The following LATS2 variants were observed in gnomAD, a reference collection of about 807,000 sequenced individuals.
LATS2 encodes the protein large tumor suppressor kinase 2.
Under a neutral mutation model 76.0 loss-of-function variants are expected in LATS2, and 24 were observed. The ratio of observed to expected loss-of-function variants is 0.32; its 90% CI spans 0.23 to 0.44. The LOEUF (loss-of-function observed/expected upper bound fraction) is 0.44. Ranked by LOEUF, LATS2 falls within the 20% of genes least tolerant of loss-of-function variation. The pLI, the probability that LATS2 is intolerant of heterozygous loss-of-function variation, is 1.00. For missense variants in LATS2, 1,286 were observed against 1,481.2 expected (o/e 0.87, Z 2.16); for synonymous variants, 692 against 635.4 (o/e 1.09, Z -1.34).
At chr13:21,006,647 CCAGA>C (rs933371818) in intron 2 of LATS2, among the ~76,000 whole-genome samples, 4 of 152,206 alleles carry the variant, frequency 2.6e-5, no homozygotes, top group African/African-American at 9.6e-5. Flanking sequence ...CTCTTCACTT[CCAGA>C]CAAAGGCTGC....
chr13:20,979,235 G>A (rs923944237), intron 7 of LATS2, among the ~76,000 whole-genome samples: 1 of 152,226 alleles, frequency 6.6e-6, no homozygotes, highest in Non-Finnish European at 1.5e-5. Flanking sequence ...CAGGCTATTA[G>A]TAAAGTTTTT....
chr13:20,999,987 G>T (rs577302405), intron 2 of LATS2, among the ~76,000 whole-genome samples: 3 of 151,560 alleles, frequency 2.0e-5, no homozygotes, highest in African/African-American at 2.4e-5. Flanking sequence ...TCAAGATCAC[G>T]CAGCAGAGCA....
In LATS2 at chr13:21,051,042, T is replaced by C. The variant is rs376683920; in HGVS notation, c.-204-4812A>G. Reference sequence around the variant, plus strand: ...TCTTAGTGCAAGTCACAGAGAAGGGTGATCATGTCTGCCCTCTAGAAGATG... The same window carrying C: ...TCTTAGTGCAAGTCACAGAGAAGGGCGATCATGTCTGCCCTCTAGAAGATG... On this transcript the variant is annotated intron_variant, in intron 1 of 7. Transcript: ENST00000382592. Among the ~76,000 whole-genome samples the C allele has an allele frequency of 9.1e-4, 139 of 152,272 alleles. 4 individuals carry two copies. In the South Asian group the frequency reaches 0.018, roughly 20 times the overall value.
rs1435209059 is a variant in LATS2, at chr13:20,993,700, G to A, written c.343-2296C>T. On this transcript the variant is annotated intron_variant, in intron 2 of 7. Coordinates refer to ENST00000382592, the MANE Select transcript of LATS2 (RefSeq NM_014572.3). The stretch of plus-strand genomic sequence containing the variant: ...GAAGAGTTGCAGAGAGAAGGCAGCG[G>A]TGGTTCAGAAGGGAAGTGCTTCCTG... 3.9e-5 allele frequency among the ~76,000 whole-genome samples: 6 copies of A among 152,172 alleles called. No individual in the cohort carries two copies. In the East Asian group the frequency reaches 5.8e-4, roughly 15 times the overall value.
chr13:20,988,182 A>G lies in LATS2; in HGVS notation c.1598T>C (p.Leu533Pro). ...CTCCATGCCTGCGCACAGGCTGTCC[A>G]GGTCGTACTGCTCCGACTTGCTGCG... is the stretch of plus-strand genomic sequence containing the variant. ...LLRSKSEQYD[L>P]DSLCAGMEQS... The change falls in exon 4 of 8, where the codon CTG becomes CCG. Residue 533 changes from leucine to proline, a missense_variant. Around this residue, in one of 5 missense-constraint regions of LATS2, gnomAD observed 710 missense variants for 660.9 expected, o/e 1.07. Coordinates refer to ENST00000382592, the MANE Select transcript of LATS2 (RefSeq NM_014572.3). The G allele has an allele frequency of 1.9e-6, 3 of 1,613,424 alleles. No homozygotes were observed. Among genetic ancestry groups the G allele is most frequent in the Non-Finnish European group, 2.5e-6 (3 of 1,179,892 alleles).
chr13:21,051,222 G>A (rs567910149), intron 1 of LATS2, among the ~76,000 whole-genome samples: 1 of 152,324 alleles, frequency 6.6e-6, no homozygotes, highest in East Asian at 1.9e-4. Context: ...GGGCCCTTGA[G>A]CAGTGCACAA....
At chr13:20,990,049 A>G (rs1388804021) in intron 3 of LATS2, among the ~76,000 whole-genome samples, 1 of 152,236 alleles carries the variant, frequency 6.6e-6, no homozygotes, top group Non-Finnish European at 1.5e-5. Flanking sequence ...AAGGGTGGAA[A>G]GGCTGGGCCT....
intron 2 of LATS2, among the ~76,000 whole-genome samples, chr13:20,998,329 GGAGACAGAGCAA>G (rs1456947813): frequency 3.0e-4 from 46 of 152,070 alleles, no homozygotes; most frequent in Middle Eastern, 3.4e-3. Flanking sequence ...CTCCAGCCTG[GGAGACAGAGCAA>G]GAGACCCTGT....
chr13:20,987,247 A>G (rs1040195322), intron 4 of LATS2, among the ~76,000 whole-genome samples: 20 of 152,192 alleles, frequency 1.3e-4, no homozygotes, highest in Admixed American at 1.1e-3. Flanking sequence ...AATGAAAAGT[A>G]TATCTGTAAA....
At chr13:21,000,378 CATAATAATAATA>C (rs746861687) in intron 2 of LATS2, among the ~76,000 whole-genome samples, 1 of 150,656 alleles carries the variant, frequency 6.6e-6, no homozygotes, top group Non-Finnish European at 1.5e-5. Context: ...AAGACTCTGT[CATAATAATAATA>C]ATAATAATAA....
At chr13:20,989,677 T>C (rs1368605005) in intron 3 of LATS2, among the ~76,000 whole-genome samples, 1 of 152,144 alleles carries the variant, frequency 6.6e-6, no homozygotes, top group Admixed American at 6.5e-5. Flanking sequence ...AACCCTATCA[T>C]GCCCAAATTG....
rs867198558 is a variant in LATS2 at position 20,981,584 on chromosome 13, C to T, written c.2547G>A (p.Arg849=). Reference sequence around the variant, plus strand: ...CTAGGGTCTTCAGCCTGTCCCCACACCGACAGTTAGACACATCATCCCAGA... The same window carrying T: ...CTAGGGTCTTCAGCCTGTCCCCACATCGACAGTTAGACACATCATCCCAGA... ...SDLWDDVSNC[R]CGDRLKTLEQ... Residue 849 remains arginine (R), a synonymous_variant, in exon 6 of 8, where the codon CGG becomes CGA. Transcript: ENST00000382592. The T allele has an allele frequency of 5.6e-6, 9 of 1,614,172 alleles. No individual in the cohort carries two copies. In the Middle Eastern group the frequency reaches 9.9e-4, roughly 178 times the overall value.
In LATS2 at chr13:20,974,803, T is replaced by G; in HGVS notation, c.*67A>C. 4 of 1,508,136 alleles carry G rather than the reference T, an allele frequency of 2.7e-6. No individual in the cohort carries two copies. The highest frequency in any genetic ancestry group is 3.6e-6 in the Non-Finnish European group (4 of 1,121,374). 93.4% of individuals were successfully genotyped at this position (1,508,136 alleles called of 1,614,324 possible). A position where few individuals can be genotyped will look rare whatever the true frequency, so the allele number is the denominator to read the frequency against. ...ACAGCCCTCGGCTTCCCTATTGGCC[T>G]GTGAGGGCACCGGCTCCGGGACCCT... On this transcript the variant is annotated 3_prime_UTR_variant, in exon 8 of 8. Coordinates refer to ENST00000382592, the MANE Select transcript of LATS2 (RefSeq NM_014572.3).
chr13:20,990,564 A>C (rs374601847), intron 3 of LATS2, among the ~76,000 whole-genome samples: 4 of 144,404 alleles, frequency 2.8e-5, no homozygotes, highest in African/African-American at 1.0e-4. Flanking sequence ...TCAGCCTCCC[A>C]AAGAGTTGGG....
In LATS2 at chr13:21,046,180, T is replaced by C. The variant is rs1894305373; in HGVS notation, c.-154A>G. The C allele has an allele frequency of 1.7e-6, 1 of 585,998 alleles. No individual in the cohort carries two copies. Among genetic ancestry groups the C allele is most frequent in the South Asian group, 2.9e-5 (1 of 33,916 alleles). The allele number at this position is 585,998 out of a possible 1,614,324, so 36.3% of individuals were successfully genotyped here. On this transcript the variant is annotated 5_prime_UTR_variant, in exon 2 of 8. The change creates a new upstream start codon in the 5' untranslated region. Coordinates refer to ENST00000382592, the MANE Select transcript of LATS2 (RefSeq NM_014572.3). Reference sequence around the variant, plus strand: ...TCTTTCCTTCCATTTTTGTAGTTCCTATAGAGAACCTAAAATTTTCCAAAG... The same window carrying C: ...TCTTTCCTTCCATTTTTGTAGTTCCCATAGAGAACCTAAAATTTTCCAAAG...
rs1019079687 is a variant in LATS2, at chr13:20,987,852, C to A, written c.1899+29G>T. The A allele has an allele frequency of 2.5e-6, 4 of 1,601,602 alleles. No individual in the cohort carries two copies. In the African/African-American group the frequency reaches 4.0e-5, roughly 16 times the overall value. On this transcript the variant is annotated intron_variant, in intron 4 of 7. Coordinates refer to ENST00000382592, the MANE Select transcript of LATS2 (RefSeq NM_014572.3). ...TGCCAGTAGAGGGATGAGCCGGGAA[C>A]AAATAGTAAAAATGAAGTGTGAAAT...
chr13:20,990,766 G>A (rs1257651946), intron 3 of LATS2, among the ~76,000 whole-genome samples: 3 of 152,074 alleles, frequency 2.0e-5, no homozygotes, highest in South Asian at 4.1e-4. Flanking sequence ...GGTTTGGTGC[G>A]GTGCCTCAGG....
chr13:20,988,370 G>A lies in LATS2; in HGVS notation c.1410C>T (p.Ala470=), dbSNP rs779063612. 2.9e-6 allele frequency: 4 copies of A among 1,367,058 alleles called. No individual in the cohort carries two copies. Among genetic ancestry groups the A allele is most frequent in the Admixed American group, 7.8e-5 (2 of 25,802 alleles). 84.7% of individuals were successfully genotyped at this position (1,367,058 alleles called of 1,614,324 possible). ...PSHPAWVPAP[A]PAPAPAPAPA... ...GGGCGGGGGCGGGGGCGGGGGCCGG[G>A]GCAGGCGCGGGCACCCAGGCGGGGT... Residue 470 remains alanine, a synonymous_variant, in exon 4 of 8, where the codon GCC becomes GCT. Coordinates refer to ENST00000382592, the MANE Select transcript of LATS2 (RefSeq NM_014572.3).
At chr13:20,994,723 C>T (rs986218777) in intron 2 of LATS2, among the ~76,000 whole-genome samples, 4 of 151,632 alleles carry the variant, frequency 2.6e-5, no homozygotes, top group African/African-American at 7.3e-5. Context: ...AGTGAGACCC[C>T]GTCTCTACAC....
Sources: gnomAD v4.1 joint callset for allele counts (sites outside exome capture counted in the v4.1 genomes callset) on GRCh38, gnomAD v4.1.1 for gene constraint, gnomAD v4.1.1 regional missense constraint, MANE v1.5 for transcripts, NCBI Gene and HGNC (gene_info 2026-07-23, HGNC 2026-07-21) for gene names.